Variants in OSTM1 observed in about 807,000 individuals in gnomAD.
The protein encoded by OSTM1 is osteopetrosis-associated transmembrane protein 1.
A neutral mutation model predicts 35.4 loss-of-function variants in OSTM1; 26 were observed. The ratio of observed to expected loss-of-function variants is 0.73; its 90% CI spans 0.54 to 1.02. The LOEUF is 1.02. Among genes scored for constraint, OSTM1 ranks in the 50% least tolerant of loss-of-function variants. The probability of loss-of-function intolerance (pLI) is 0.00; values close to 1 mark genes in which losing one functional copy is unlikely to be tolerated. For synonymous variants in OSTM1, 181 were observed against 165.0 expected (o/e 1.10, Z -0.75); for missense variants, 366 against 409.6 (o/e 0.89, Z 0.92).
chr6:108,074,128 C>A, intron 1 of OSTM1, 122 bp downstream of exon 1: 1 of 978,136 alleles, frequency 1.0e-6, no homozygotes, highest in Non-Finnish European at 1.5e-6. Flanking sequence ...ACTCTACAGA[C>A]TCAGTCCAAC....
intron 1 of OSTM1, among the ~76,000 whole-genome samples, chr6:108,065,406 A>G (rs1188111879): frequency 6.7e-6 from 1 of 150,126 alleles, no homozygotes; most frequent in Non-Finnish European, 1.5e-5. Flanking sequence ...TGCTTGGCTA[A>G]TTTTTATTTT....
At position 108,074,675 on chromosome 6, in the gene OSTM1, A is replaced by G. The variant is rs1772562587; in HGVS notation, c.-24T>C. ...ATCACCGGGCTCACACACCCCAGGG[A>G]GCCCACCGCCGCCTCTCCGCCCCCA... On this transcript the variant is annotated 5_prime_UTR_variant, in exon 1 of 6. Transcript: ENST00000193322. 4.0e-6 allele frequency: 6 copies of G among 1,515,812 alleles called. No homozygotes were observed. In the African/African-American group the frequency reaches 8.5e-5, roughly 21 times the overall value. 93.9% of individuals were successfully genotyped at this position (1,515,812 alleles called of 1,614,324 possible).
chr6:108,057,495 T>G (rs1357433066), intron 2 of OSTM1, among the ~76,000 whole-genome samples: 2 of 152,278 alleles, frequency 1.3e-5, no homozygotes, highest in South Asian at 2.1e-4. Flanking sequence ...GTCCACATAC[T>G]GCCAGCAAAA....
At chr6:108,057,818 T>A (rs186402081) in intron 2 of OSTM1, among the ~76,000 whole-genome samples, 57 of 152,230 alleles carry the variant, frequency 3.7e-4, no homozygotes, top group African/African-American at 7.0e-4. Context: ...TCCTTTTTTA[T>A]CTTTTTGCAG....
intron 5 of OSTM1, among the ~76,000 whole-genome samples, chr6:108,047,665 G>A (rs1772004473): frequency 6.6e-6 from 1 of 152,178 alleles, no homozygotes; most frequent in Non-Finnish European, 1.5e-5. Context: ...GAGGGAGAGA[G>A]ACGGACTAAG....
At chr6:108,064,540 G>C (rs564058382) in intron 1 of OSTM1, among the ~76,000 whole-genome samples, 1 of 151,730 alleles carries the variant, frequency 6.6e-6, no homozygotes, top group South Asian at 2.1e-4. Flanking sequence ...TTTGTACCCA[G>C]ATGGAAAAAT....
At chr6:108,069,115 T>C (rs1371893072) in intron 1 of OSTM1, among the ~76,000 whole-genome samples, 1 of 152,232 alleles carries the variant, frequency 6.6e-6, no homozygotes, top group Non-Finnish European at 1.5e-5. Context: ...TCTTGTCATA[T>C]GCATTGGTAG....
Position 108,051,062 on chromosome 6 carries a change from C to G in OSTM1, c.752G>C (p.Gly251Ala). 2 of 1,613,662 alleles carry G rather than the reference C, an allele frequency of 1.2e-6. No individual in the cohort carries two copies. Residue 251 changes from glycine (G) to alanine (A), a missense_variant, in exon 4 of 6, where the codon GGA (glycine) becomes GCA (alanine). Physicochemically the swap from Gly to Ala is moderately conservative, Grantham distance 60 (BLOSUM62 0). Around this residue, in one of 3 missense-constraint regions of OSTM1, gnomAD observed 125 missense variants for 151.7 expected, o/e 0.82. Coordinates refer to ENST00000193322, the MANE Select transcript of OSTM1 (RefSeq NM_014028.4). ...MNELENKAEP[G>A]THLCIDVEDA... ...TTCCACATCAATGCATAAATGTGTT[C>G]CAGGTTCAGCCTTATTCTCAAGTTC...
intron 3 of OSTM1, among the ~76,000 whole-genome samples, chr6:108,053,458 G>C (rs1439412119): frequency 6.6e-6 from 1 of 152,190 alleles, no homozygotes; most frequent in Middle Eastern, 3.2e-3. Flanking sequence ...CTTTCTGATA[G>C]GACATCTATT....
rs1324577730 is a variant in OSTM1 at position 108,043,819 on chromosome 6, A to G, written c.*966T>C. 6.6e-6 allele frequency: 1 copy of G among 152,164 alleles called. No homozygotes were observed. The highest frequency in any genetic ancestry group is 1.5e-5 in the Non-Finnish European group (1 of 68,022). 9.4% of individuals were successfully genotyped at this position (152,164 alleles called of 1,614,324 possible). A position where few individuals can be genotyped will look rare whatever the true frequency, so the allele number is the denominator to read the frequency against. On this transcript the variant is annotated 3_prime_UTR_variant, in exon 6 of 6. Transcript: ENST00000193322. Reference sequence around the variant, plus strand: ...TCCCCTCAATACACACCACTGTCCAACAGTCTTACAGTGAGCATCCTCTCA... The same window carrying G: ...TCCCCTCAATACACACCACTGTCCAGCAGTCTTACAGTGAGCATCCTCTCA...
intron 2 of OSTM1, among the ~76,000 whole-genome samples, chr6:108,061,738 A>C (rs1336526148): frequency 6.6e-6 from 1 of 151,226 alleles, no homozygotes; most frequent in Non-Finnish European, 1.5e-5. Context: ...CTGTCTCTAC[A>C]AAAAATGTTG....
At chr6:108,066,216 C>T (rs1384167593) in intron 1 of OSTM1, among the ~76,000 whole-genome samples, 2 of 151,960 alleles carry the variant, frequency 1.3e-5, no homozygotes, top group Non-Finnish European at 2.9e-5. Context: ...ATCTTTAGGC[C>T]GTGATATGTA....
chr6:108,074,424 G>A lies in OSTM1; in HGVS notation c.228C>T (p.Asp76=), dbSNP rs1311569357. The A allele has an allele frequency of 6.4e-7, 1 of 1,563,346 alleles. No homozygotes were observed. Among genetic ancestry groups the A allele is most frequent in the African/African-American group, 1.4e-5 (1 of 73,904 alleles). ...GGLGPLSLPP[D]LPDLDPECRE... is the part of the protein sequence containing the mutation. ...GGCACTCAGGATCCAGATCCGGCAG[G>A]TCCGGGGGCAGCGACAGAGGCCCCA... Residue 76 remains aspartate, a synonymous_variant, in exon 1 of 6, where the codon GAC becomes GAT. Coordinates refer to ENST00000193322, the MANE Select transcript of OSTM1 (RefSeq NM_014028.4).
chr6:108,062,331 G>A (rs1003212025), intron 2 of OSTM1, among the ~76,000 whole-genome samples: 1 of 152,094 alleles, frequency 6.6e-6, no homozygotes, highest in Non-Finnish European at 1.5e-5. Flanking sequence ...AGCCCAAGTA[G>A]ATGAAGCAGG....
intron 1 of OSTM1, among the ~76,000 whole-genome samples, chr6:108,066,443 A>G (rs893853538): frequency 1.3e-5 from 2 of 152,232 alleles, no homozygotes; most frequent in African/African-American, 4.8e-5. Flanking sequence ...GTAAACTATC[A>G]GAGGTGACTG....
At chr6:108,046,032 G>A (rs1016427010) in intron 5 of OSTM1, among the ~76,000 whole-genome samples, 13 of 151,444 alleles carry the variant, frequency 8.6e-5, no homozygotes, top group Non-Finnish European at 1.5e-4. Flanking sequence ...ACGGACTCTC[G>A]GCTTTGTCAC....
chr6:108,045,152 C>T (rs1771945123), intron 5 of OSTM1, among the ~76,000 whole-genome samples: 1 of 151,994 alleles, frequency 6.6e-6, no homozygotes, highest in East Asian at 1.9e-4. Context: ...AATGAAAGTG[C>T]TATAAGGTAG....
At chr6:108,053,974 C>G (rs1772127079) in intron 3 of OSTM1, among the ~76,000 whole-genome samples, 1 of 152,142 alleles carries the variant, frequency 6.6e-6, no homozygotes, top group African/African-American at 2.4e-5. Flanking sequence ...ATTCAAGAGT[C>G]AGAGATAGAG....
intron 5 of OSTM1, among the ~76,000 whole-genome samples, chr6:108,048,995 C>A (rs1772029768): frequency 6.6e-6 from 1 of 152,048 alleles, no homozygotes. Flanking sequence ...TCGTGATCCG[C>A]CCACCTCATC....
Sources: gnomAD v4.1 joint callset for allele counts (sites outside exome capture counted in the v4.1 genomes callset) on GRCh38, gnomAD v4.1.1 for gene constraint, gnomAD v4.1.1 regional missense constraint, MANE v1.5 for transcripts, NCBI Gene and HGNC (gene_info 2026-07-23, HGNC 2026-07-21) for gene names.